Variants in EPHA5 observed in about 807,000 individuals in gnomAD.
The protein encoded by EPHA5 is ephrin type-A receptor 5.
A neutral mutation model predicts 105.0 loss-of-function variants in EPHA5; 60 were observed. The observed-to-expected ratio is 0.57, with a 90% CI of 0.46 to 0.71. The LOEUF (loss-of-function observed/expected upper bound fraction) is 0.71. Ranked by LOEUF, EPHA5 falls within the 30% of genes least tolerant of loss-of-function variation. The pLI, the probability that EPHA5 is intolerant of heterozygous loss-of-function variation, is 0.00. For synonymous variants in EPHA5, 513 were observed against 449.1 expected (o/e 1.14, Z -1.80); for missense variants, 1,218 against 1,274.7 (o/e 0.96, Z 0.68).
chr4:65,408,666 T>G lies in EPHA5; in HGVS notation c.1688-4187A>C, dbSNP rs7686871. Among the ~76,000 whole-genome samples, 11 of 151,690 alleles carry G rather than the reference T, an allele frequency of 7.3e-5. No homozygotes were observed. The South Asian group carries it at 8.3e-4, about 12-fold the overall frequency. ...TACCATCTCACAGCAGTTAGAATGGTGATCATTAAAAAGTCAGGAAACAAC... is the reference window on the plus strand; with the variant it reads ...TACCATCTCACAGCAGTTAGAATGGGGATCATTAAAAAGTCAGGAAACAAC... On this transcript the variant is annotated intron_variant, in intron 7 of 16. Transcript: ENST00000613740.
At chr4:65,529,141 G>A (rs6832606) in intron 3 of EPHA5, among the ~76,000 whole-genome samples, 71,108 of 151,710 alleles carry the variant, frequency 0.47, 16,863 homozygotes, top group African/African-American at 0.5. Flanking sequence ...CATAATAAAC[G>A]CAATTCAAAG....
intron 5 of EPHA5, among the ~76,000 whole-genome samples, chr4:65,434,662 C>T (rs541791897): frequency 6.6e-6 from 1 of 152,196 alleles, no homozygotes; most frequent in Non-Finnish European, 1.5e-5. Context: ...CAAAGCACTT[C>T]TCTATTCATC....
chr4:65,623,663 C>T (rs1459446324), intron 2 of EPHA5, among the ~76,000 whole-genome samples: 6 of 152,082 alleles, frequency 3.9e-5, no homozygotes, highest in Admixed American at 3.9e-4. Flanking sequence ...TGCACAAAGA[C>T]TGAGTCATTA....
At chr4:65,448,503 C>T (rs1292414780) in intron 5 of EPHA5, among the ~76,000 whole-genome samples, 1 of 152,024 alleles carries the variant, frequency 6.6e-6, no homozygotes, top group Non-Finnish European at 1.5e-5. Context: ...CAAAAATTAG[C>T]TAGGTGTAGT....
At chr4:65,342,012 T>C (rs1283743710) in intron 14 of EPHA5, among the ~76,000 whole-genome samples, 1 of 152,164 alleles carries the variant, frequency 6.6e-6, no homozygotes, top group Non-Finnish European at 1.5e-5. Context: ...ATTATGTTTT[T>C]TTCTTAGTGC....
intron 15 of EPHA5, 94 bp downstream of exon 15, chr4:65,335,838 A>C (rs375505521): frequency 1.6e-6 from 2 of 1,260,948 alleles, no homozygotes; most frequent in East Asian, 2.4e-5. Flanking sequence ...TCACAGATTA[A>C]TGTCTATACG....
At chr4:65,457,882 AG>A (rs1727750150) in intron 5 of EPHA5, among the ~76,000 whole-genome samples, 1 of 151,752 alleles carries the variant, frequency 6.6e-6, no homozygotes, top group South Asian at 2.1e-4. Flanking sequence ...TTTTTTTCCT[AG>A]CTAACAGGGT....
intron 7 of EPHA5, among the ~76,000 whole-genome samples, chr4:65,413,626 G>A (rs1474244972): frequency 6.6e-6 from 1 of 152,010 alleles, no homozygotes; most frequent in African/African-American, 2.4e-5. Flanking sequence ...TCACAATACT[G>A]TGTATTTCCT....
At chr4:65,382,877 G>A (rs1719696507) in intron 8 of EPHA5, among the ~76,000 whole-genome samples, 2 of 151,374 alleles carry the variant, frequency 1.3e-5, no homozygotes, top group African/African-American at 2.4e-5. Context: ...TAGTTCTTTG[G>A]GAATTTACTT....
At chr4:65,408,024 G>T (rs1197635904) in intron 7 of EPHA5, among the ~76,000 whole-genome samples, 1 of 151,916 alleles carries the variant, frequency 6.6e-6, no homozygotes, top group Non-Finnish European at 1.5e-5. Context: ...CATAACCTCA[G>T]GTTTTAATTA....
In EPHA5 at chr4:65,603,682, G is replaced by T. The variant is rs796913254; in HGVS notation, c.247-1378C>A. On this transcript the variant is annotated intron_variant, in intron 2 of 16. Transcript: ENST00000613740. Reference sequence around the variant, plus strand: ...GGTGCTAATGAGGTAAAACTGTTGAGCTCCTTAAATTCACAAGAGAGAGAC... The same window carrying T: ...GGTGCTAATGAGGTAAAACTGTTGATCTCCTTAAATTCACAAGAGAGAGAC... 9.2e-5 allele frequency among the ~76,000 whole-genome samples: 14 copies of T among 152,174 alleles called. No homozygotes were observed. In the South Asian group the frequency reaches 2.9e-3, roughly 32 times the overall value.
intron 1 of EPHA5, among the ~76,000 whole-genome samples, chr4:65,663,371 T>G (rs1749702730): frequency 6.6e-6 from 1 of 152,066 alleles, no homozygotes; most frequent in African/African-American, 2.4e-5. Context: ...GAACTCCAAG[T>G]GGGACACCTA....
chr4:65,574,993 A>G (rs1214075884), intron 3 of EPHA5, among the ~76,000 whole-genome samples: 2 of 151,848 alleles, frequency 1.3e-5, no homozygotes, highest in African/African-American at 4.8e-5. Context: ...AGGCTGGTAC[A>G]GGTGTGTACT....
rs560274977 is a variant in EPHA5, at chr4:65,577,942, C to T, written c.910+23699G>A. 5.3e-5 allele frequency among the ~76,000 whole-genome samples: 8 copies of T among 152,296 alleles called. No individual in the cohort carries two copies. The East Asian group carries it at 1.2e-3, about 22-fold the overall frequency. ...TCAGGAATCTTTTGGTTATTGTTCA[C>T]TTCTGCCTCACCAGAAATTCCTAGA... On this transcript the variant is annotated intron_variant, in intron 3 of 16. Coordinates refer to ENST00000613740, the MANE Select transcript of EPHA5 (RefSeq NM_001281766.3).
chr4:65,642,270 AG>A, intron 2 of EPHA5, among the ~76,000 whole-genome samples: 1 of 152,236 alleles, frequency 6.6e-6, no homozygotes, highest in South Asian at 2.1e-4. Flanking sequence ...GACAGATGTT[AG>A]CCAGGCATTT....
At chr4:65,483,106 T>A (rs1005198709) in intron 5 of EPHA5, among the ~76,000 whole-genome samples, 1 of 152,012 alleles carries the variant, frequency 6.6e-6, no homozygotes, top group Admixed American at 6.6e-5. Context: ...TGAGAACATG[T>A]GGTGTTTGGT....
At chr4:65,390,759 G>A (rs368298589) in intron 8 of EPHA5, among the ~76,000 whole-genome samples, 2 of 152,088 alleles carry the variant, frequency 1.3e-5, no homozygotes, top group Non-Finnish European at 2.9e-5. Flanking sequence ...ACAGTGTGAC[G>A]ATGAAAGCAG....
chr4:65,481,959 A>G (rs1007340850), intron 5 of EPHA5, among the ~76,000 whole-genome samples: 1 of 152,200 alleles, frequency 6.6e-6, no homozygotes, highest in Non-Finnish European at 1.5e-5. Context: ...AAGGAATTCA[A>G]TGACCTACTG....
intron 11 of EPHA5, among the ~76,000 whole-genome samples, chr4:65,354,597 T>A (rs1178834391): frequency 6.6e-6 from 1 of 151,700 alleles, no homozygotes; most frequent in Non-Finnish European, 1.5e-5. Context: ...ACTATACAAT[T>A]GTGAAATGCA....
Sources: allele counts gnomAD v4.1 joint callset (sites outside exome capture counted in the v4.1 genomes callset), GRCh38; gene constraint gnomAD v4.1.1; transcripts MANE v1.5; gene names NCBI Gene and HGNC (gene_info 2026-07-23, HGNC 2026-07-21).